Variants in PTPRN2 observed in about 807,000 individuals in gnomAD.
The protein encoded by PTPRN2 is protein tyrosine phosphatase receptor type N2, also known as receptor-type tyrosine-protein phosphatase N2.
In PTPRN2, 74 loss-of-function variants were observed where a neutral mutation model predicts 118.8. The ratio of observed to expected loss-of-function variants is 0.62; its 90% CI spans 0.52 to 0.76. The LOEUF is 0.76. Ranked by LOEUF, PTPRN2 falls within the 30% of genes least tolerant of loss-of-function variation. The pLI is 0.00. For missense variants in PTPRN2, 1,481 were observed against 1,394.4 expected (o/e 1.06, Z -0.99); for synonymous variants, 641 against 608.0 (o/e 1.05, Z -0.80).
rs116796637 is a variant in PTPRN2, at chr7:158,475,052, A to G, written c.163+14683T>C. On this transcript the variant is annotated intron_variant, in intron 2 of 22. Coordinates refer to ENST00000389418, the MANE Select transcript of PTPRN2 (RefSeq NM_002847.5). ...ATGCTGGCGAGGGAGGAAGGTGATC[A>G]TAAGAACCCCGGCTGCAGCACAGTC... 7.0e-3 allele frequency among the ~76,000 whole-genome samples: 1,063 copies of G among 152,250 alleles called. 14 individuals carry two copies. Among genetic ancestry groups the G allele is most frequent in the African/African-American group, 0.024 (1,003 of 41,562 alleles).
intron 3 of PTPRN2, among the ~76,000 whole-genome samples, chr7:158,252,217 C>A (rs1474825404): frequency 6.6e-6 from 1 of 152,162 alleles, no homozygotes; most frequent in Non-Finnish European, 1.5e-5. Flanking sequence ...AGTGGCCTGA[C>A]AACTCTGCCT....
At chr7:158,030,408 C>T (rs1005611410) in intron 11 of PTPRN2, 7 of 152,244 alleles carry the variant, frequency 4.6e-5, no homozygotes, top group Non-Finnish European at 7.3e-5. Flanking sequence ...GCTGAGCCAG[C>T]TGCTTGGGGA....
At chr7:158,500,352 G>A (rs979925495) in intron 1 of PTPRN2, among the ~76,000 whole-genome samples, 2 of 152,138 alleles carry the variant, frequency 1.3e-5, no homozygotes, top group Non-Finnish European at 2.9e-5. Flanking sequence ...TCTTGAGCTC[G>A]CTACATTTCC....
chr7:157,978,309 C>T (rs1028664886), intron 11 of PTPRN2, among the ~76,000 whole-genome samples: 8 of 152,016 alleles, frequency 5.3e-5, no homozygotes, highest in Non-Finnish European at 1.0e-4. Flanking sequence ...TTTGCAAAGA[C>T]GTCTTATGCT....
At chr7:158,511,717 TG>T (rs140012339) in intron 1 of PTPRN2, among the ~76,000 whole-genome samples, 2 of 152,128 alleles carry the variant, frequency 1.3e-5, no homozygotes, top group Admixed American at 1.3e-4. Context: ...CAAGACACGG[TG>T]GGAGGCAGCA....
At chr7:157,558,487 C>T (rs756448130) in intron 21 of PTPRN2, among the ~76,000 whole-genome samples, 4 of 152,236 alleles carry the variant, frequency 2.6e-5, no homozygotes, top group Admixed American at 6.5e-5. Context: ...TTCAGGAGGC[C>T]GTCTGCAGCT....
chr7:158,356,784 A>C (rs1437279026), intron 2 of PTPRN2, among the ~76,000 whole-genome samples: 1 of 20,760 alleles, frequency 4.8e-5, no homozygotes, highest in Non-Finnish European at 1.0e-4. Context: ...AGGTGAAAAG[A>C]GCTAAAAAAA....
Position 157,749,831 on chromosome 7 carries a change from C to T in PTPRN2, c.1789-66894G>A, listed in dbSNP as rs1225522177. 8.2e-5 allele frequency among the ~76,000 whole-genome samples: 11 copies of T among 134,558 alleles called. 1 individual carries two copies. The highest frequency in any genetic ancestry group is 2.3e-4 in the African/African-American group (8 of 34,802). 88.3% of individuals were successfully genotyped at this position (134,558 alleles called of 152,430 possible). The stretch of plus-strand genomic sequence containing the variant: ...GGTGCCTGGGTGATTTTGAGGCCTG[C>T]GTCCCTGAGCTGTGGGCTGTTGAGG... On this transcript the variant is annotated intron_variant, in intron 12 of 22. Transcript: ENST00000389418.
chr7:158,579,560 C>T lies in PTPRN2; in HGVS notation c.112+7998G>A, dbSNP rs534561147. Among the ~76,000 whole-genome samples the T allele has an allele frequency of 6.6e-5, 10 of 152,286 alleles. No homozygotes were observed. The East Asian group carries it at 1.9e-3, about 29-fold the overall frequency. ...TTTCTCTTGACTTCTAATATGAGTG[C>T]AAGTGCAAACTGTAAAGATTATCTG... On this transcript the variant is annotated intron_variant, in intron 1 of 22. Transcript: ENST00000389418.
chr7:157,688,379 T>C (rs1585240684), intron 12 of PTPRN2, among the ~76,000 whole-genome samples: 1 of 152,184 alleles, frequency 6.6e-6, no homozygotes, highest in Non-Finnish European at 1.5e-5. Flanking sequence ...GCAAACTAAT[T>C]CTAACCAGCA....
intron 12 of PTPRN2, among the ~76,000 whole-genome samples, chr7:157,890,132 C>T (rs1396309291): frequency 6.6e-6 from 1 of 150,394 alleles, no homozygotes. Flanking sequence ...GGAGTGTCTT[C>T]TTAGGATACA....
rs1157572578 is a variant in PTPRN2 at position 157,583,240 on chromosome 7, T to A, written c.2497-5100A>T. Among the ~76,000 whole-genome samples, 2 of 152,060 alleles carry A rather than the reference T, an allele frequency of 1.3e-5. No homozygotes were observed. Among genetic ancestry groups the A allele is most frequent in the Admixed American group, 6.5e-5 (1 of 15,278 alleles). On this transcript the variant is annotated intron_variant, in intron 17 of 22. Transcript: ENST00000389418. The surrounding 1 kb of genome is among the most constrained non-coding windows in gnomAD (Gnocchi z 5.5). ...CGGACACAGAAGGACAGGCACCCCA[T>A]GATCTCACTCACATGTGGCACCTAA...
intron 4 of PTPRN2, among the ~76,000 whole-genome samples, chr7:158,204,407 C>T (rs927490596): frequency 6.6e-6 from 1 of 152,210 alleles, no homozygotes; most frequent in Non-Finnish European, 1.5e-5. Context: ...ATCAGATGGC[C>T]ATGAGCATGA....
At chr7:158,148,284 A>C (rs62480226) in intron 6 of PTPRN2, among the ~76,000 whole-genome samples, 9 of 666 alleles carry the variant, frequency 0.014, no homozygotes, top group Admixed American at 0.013. Context: ...TTCCCCCTCA[A>C]TGACACCCCA....
intron 11 of PTPRN2, among the ~76,000 whole-genome samples, chr7:158,061,205 G>A (rs1810300832): frequency 6.6e-6 from 1 of 152,218 alleles, no homozygotes; most frequent in African/African-American, 2.4e-5. Flanking sequence ...AAATTAAAGG[G>A]ACAAGCCCAG....
At chr7:158,046,155 C>T (rs1393076841) in intron 11 of PTPRN2, among the ~76,000 whole-genome samples, 1 of 147,944 alleles carries the variant, frequency 6.8e-6, no homozygotes, top group East Asian at 2.0e-4. Context: ...TGCATCCTGG[C>T]ACTGCCTTGT....
rs1158028348 is a variant in PTPRN2, at chr7:157,618,267, G to T, written c.2344+3095C>A. On this transcript the variant is annotated intron_variant, in intron 15 of 22. Transcript: ENST00000389418. The surrounding 1 kb of genome is among the most constrained non-coding windows in gnomAD (Gnocchi z 4.2). ...CCTTTCCATAGACCTGGGAGTTCCC[G>T]GTGAGCACGCGGAAAGGACGCGGTG... 2 of 152,354 alleles carry T rather than the reference G, an allele frequency of 1.3e-5. No individual in the cohort carries two copies. Among genetic ancestry groups the T allele is most frequent in the African/African-American group, 4.8e-5 (2 of 41,470 alleles). 9.4% of individuals were successfully genotyped at this position (152,354 alleles called of 1,614,324 possible).
chr7:157,650,316 G>T (rs558353414), intron 14 of PTPRN2, among the ~76,000 whole-genome samples: 69 of 152,244 alleles, frequency 4.5e-4, no homozygotes, highest in Non-Finnish European at 8.1e-4. Flanking sequence ...TGCTGGGAAG[G>T]GGGGACTATG....
At chr7:158,205,798 G>T (rs939739744) in intron 3 of PTPRN2, among the ~76,000 whole-genome samples, 10 of 152,178 alleles carry the variant, frequency 6.6e-5, no homozygotes, top group Admixed American at 3.9e-4. Context: ...GTGATAGTGG[G>T]ACTTGGTATT....
Sources: gnomAD v4.1 joint callset for allele counts (sites outside exome capture counted in the v4.1 genomes callset) on GRCh38, gnomAD v4.1.1 for gene constraint, Gnocchi (gnomAD v3.1) non-coding constraint, MANE v1.5 for transcripts, NCBI Gene and HGNC (gene_info 2026-07-23, HGNC 2026-07-21) for gene names.